The following SLC35F3 variants were observed in gnomAD, a reference collection of about 807,000 sequenced individuals.
SLC35F3 encodes the protein solute carrier family 35 member F3.
Under a neutral mutation model 49.9 loss-of-function variants are expected in SLC35F3, and 25 were observed. The ratio of observed to expected loss-of-function variants is 0.50; its 90% CI spans 0.37 to 0.70. SLC35F3 has a LOEUF of 0.70. SLC35F3 is among the 30% of genes least tolerant of loss of function. The pLI is 0.00. For missense variants in SLC35F3, 525 were observed against 639.8 expected (o/e 0.82, Z 1.94); for synonymous variants, 275 against 265.4 (o/e 1.04, Z -0.35).
chr1:234,276,520 TCTAA>T (rs150921148), intron 3 of SLC35F3, among the ~76,000 whole-genome samples: 6,457 of 152,260 alleles, frequency 0.042, 189 homozygotes, highest in Middle Eastern at 0.078. Flanking sequence ...GTACATGGAT[TCTAA>T]CTAACTCAGT....
rs59565060 is a variant in SLC35F3 at position 234,203,041 on chromosome 1, T to G, written c.284-28376T>G. Among the ~76,000 whole-genome samples the G allele has an allele frequency of 6.0e-3, 915 of 152,266 alleles. 6 individuals are homozygous for G. The highest frequency in any genetic ancestry group is 0.03 in the South Asian group (145 of 4,814). ...GAATGGTTGCAGAAAACCAATACTG[T>G]CATTAAAAGCATCTCTCACCTTCTC... On this transcript the variant is annotated intron_variant, in intron 2 of 7. Transcript: ENST00000366618.
At chr1:234,047,829 A>G (rs1580209) in intron 2 of SLC35F3, among the ~76,000 whole-genome samples, 16,490 of 152,174 alleles carry the variant, frequency 0.11, 1,396 homozygotes, top group East Asian at 0.25. Context: ...GGGACTGTTG[A>G]TAGAAATATG....
intron 2 of SLC35F3, among the ~76,000 whole-genome samples, chr1:234,059,663 CAT>C (rs55790666): frequency 4.0e-5 from 5 of 126,440 alleles, no homozygotes; most frequent in South Asian, 2.5e-4. Flanking sequence ...TAGACATAGA[CAT>C]AGACATAGAC....
chr1:233,964,212 G>A (rs1203376949), intron 2 of SLC35F3, among the ~76,000 whole-genome samples: 1 of 152,178 alleles, frequency 6.6e-6, no homozygotes, highest in African/African-American at 2.4e-5. Flanking sequence ...GTGTGGAAGA[G>A]TGAAAATCCT....
At chr1:234,016,023 A>G (rs894485618) in intron 2 of SLC35F3, among the ~76,000 whole-genome samples, 1 of 152,216 alleles carries the variant, frequency 6.6e-6, no homozygotes, top group African/African-American at 2.4e-5. Context: ...AGACATACAA[A>G]TGCCCAAGAG....
At chr1:234,001,427 A>G (rs1663552088) in intron 2 of SLC35F3, among the ~76,000 whole-genome samples, 2 of 152,228 alleles carry the variant, frequency 1.3e-5, no homozygotes, top group South Asian at 2.1e-4. Flanking sequence ...TGGATTTCCA[A>G]TATTGAATGA....
chr1:234,251,802 A>G (rs745454172), intron 3 of SLC35F3, among the ~76,000 whole-genome samples: 102 of 152,306 alleles, frequency 6.7e-4, no homozygotes, highest in Non-Finnish European at 1.3e-3. Context: ...ACCTAAATAC[A>G]GAAAGAACTT....
chr1:234,069,785 C>T (rs554527830), intron 2 of SLC35F3, among the ~76,000 whole-genome samples: 1 of 152,196 alleles, frequency 6.6e-6, no homozygotes, highest in Non-Finnish European at 1.5e-5. Context: ...ATTTCTGTTG[C>T]TCTTCCTGTA....
chr1:234,103,990 GC>G (rs1665248510), intron 2 of SLC35F3, among the ~76,000 whole-genome samples: 1 of 152,194 alleles, frequency 6.6e-6, no homozygotes, highest in South Asian at 2.1e-4. Flanking sequence ...TCAACATGGG[GC>G]AAGTCAGCTG....
At chr1:234,136,187 C>T (rs1665808279) in intron 2 of SLC35F3, among the ~76,000 whole-genome samples, 1 of 151,706 alleles carries the variant, frequency 6.6e-6, no homozygotes, top group Non-Finnish European at 1.5e-5. Context: ...TTCTTCCCTC[C>T]CTTCCCTCCT....
At chr1:234,319,991 C>T in intron 6 of SLC35F3, 107 bp from the exon 7 acceptor site, 1 of 741,924 alleles carries the variant, frequency 1.3e-6, no homozygotes, top group Non-Finnish European at 2.4e-6. Context: ...CATTGTAACT[C>T]CTATGACTCC....
At chr1:234,182,336 G>T (rs1254700858) in intron 2 of SLC35F3, among the ~76,000 whole-genome samples, 1 of 152,142 alleles carries the variant, frequency 6.6e-6, no homozygotes, top group Non-Finnish European at 1.5e-5. Context: ...ACATGTTCTG[G>T]AATCCATCTT....
chr1:234,194,611 T>C (rs1666779417), intron 2 of SLC35F3, among the ~76,000 whole-genome samples: 1 of 142,906 alleles, frequency 7.0e-6, no homozygotes, highest in African/African-American at 2.6e-5. Context: ...TTTAAAAAAT[T>C]AATGCAATAA....
At chr1:234,137,355 C>T (rs921138997) in intron 2 of SLC35F3, among the ~76,000 whole-genome samples, 5 of 152,106 alleles carry the variant, frequency 3.3e-5, no homozygotes, top group African/African-American at 1.2e-4. Flanking sequence ...GCAAAGTGGT[C>T]AGGAATGTCA....
At chr1:233,914,514 A>G (rs902578855) in intron 2 of SLC35F3, among the ~76,000 whole-genome samples, 1 of 152,180 alleles carries the variant, frequency 6.6e-6, no homozygotes, top group Non-Finnish European at 1.5e-5. Flanking sequence ...GTTGTGTGCA[A>G]CTACAGGCTC....
chr1:234,274,006 T>G (rs1393263430), intron 3 of SLC35F3, among the ~76,000 whole-genome samples: 1 of 152,216 alleles, frequency 6.6e-6, no homozygotes, highest in East Asian at 1.9e-4. Context: ...AACCATCACA[T>G]GCATTGAACT....
chr1:233,949,009 T>C (rs1273299832), intron 2 of SLC35F3, among the ~76,000 whole-genome samples: 7 of 152,070 alleles, frequency 4.6e-5, no homozygotes, highest in African/African-American at 1.7e-4. Context: ...GAACCAGCAC[T>C]AGAGCCCCCA....
At chr1:234,233,958 A>G (rs991242354) in intron 3 of SLC35F3, among the ~76,000 whole-genome samples, 51 of 152,248 alleles carry the variant, frequency 3.3e-4, no homozygotes, top group African/African-American at 1.2e-3. Context: ...CAATCAAGCC[A>G]TATACACCAT....
chr1:233,982,311 A>G (rs550679260), intron 2 of SLC35F3, among the ~76,000 whole-genome samples: 118 of 152,258 alleles, frequency 7.7e-4, no homozygotes, highest in Middle Eastern at 6.8e-3. Flanking sequence ...TCTTTTGTCC[A>G]TTTTTAAATT....
Sources: allele counts gnomAD v4.1 joint callset (sites outside exome capture counted in the v4.1 genomes callset), GRCh38; gene constraint gnomAD v4.1.1; transcripts MANE v1.5; gene names NCBI Gene and HGNC (gene_info 2026-07-23, HGNC 2026-07-21).